SORCS2: variants seen among roughly 807,000 people sequenced by gnomAD.
SORCS2 encodes sortilin related VPS10 domain containing receptor 2, also known as VPS10 domain-containing receptor SorCS2.
A neutral mutation model predicts 141.6 loss-of-function variants in SORCS2; 100 were observed. The observed-to-expected ratio is 0.71, with a 90% CI of 0.60 to 0.83. The LOEUF (loss-of-function observed/expected upper bound fraction) is 0.83. Ranked by LOEUF, SORCS2 falls within the 40% of genes least tolerant of loss-of-function variation. The probability of loss-of-function intolerance (pLI) is 0.00; values close to 1 mark genes in which losing one functional copy is unlikely to be tolerated. For missense variants in SORCS2, 1,646 were observed against 1,560.2 expected, an observed-to-expected ratio of 1.05 and a Z score of -0.93; for synonymous variants, 789 against 676.9, an observed-to-expected ratio of 1.17 and a Z score of -2.57.
At chr4:7,594,767 C>T (rs1717146557) in intron 3 of SORCS2, among the ~76,000 whole-genome samples, 1 of 152,102 alleles carries the variant, frequency 6.6e-6, no homozygotes, top group Middle Eastern at 3.2e-3. Context: ...ACCACGCTTC[C>T]ACCGCTGTTC....
chr4:7,281,513 C>T lies in SORCS2; in HGVS notation c.480+88387C>T, dbSNP rs191764002. Among the ~76,000 whole-genome samples, 91 of 152,308 alleles carry T rather than the reference C, an allele frequency of 6.0e-4. No individual in the cohort carries two copies. In the East Asian group the frequency reaches 0.016, roughly 27 times the overall value. On this transcript the variant is annotated intron_variant, in intron 1 of 26. Transcript: ENST00000507866. ...CTGTCCTGTTGCTGGGCTGTGCGTGCGTCCAGTCATCCTGGTCTTATTCTG... is the reference window on the plus strand; with the variant it reads ...CTGTCCTGTTGCTGGGCTGTGCGTGTGTCCAGTCATCCTGGTCTTATTCTG...
chr4:7,226,443 C>T (rs1728996670), intron 1 of SORCS2, among the ~76,000 whole-genome samples: 1 of 152,146 alleles, frequency 6.6e-6, no homozygotes, highest in Admixed American at 6.5e-5. Context: ...ACGGTCAGTG[C>T]CGTTCCGTTT....
At chr4:7,427,069 G>A (rs1279495900) in intron 2 of SORCS2, among the ~76,000 whole-genome samples, 1 of 152,114 alleles carries the variant, frequency 6.6e-6, no homozygotes, top group Non-Finnish European at 1.5e-5. Flanking sequence ...GCCTGCCTTG[G>A]GCCACGGCCT....
intron 1 of SORCS2, among the ~76,000 whole-genome samples, chr4:7,354,189 T>C (rs562205757): frequency 1.3e-5 from 2 of 152,280 alleles, no homozygotes; most frequent in Admixed American, 6.5e-5. Flanking sequence ...GCTTAGCCTG[T>C]CCTGGTCCAG....
chr4:7,241,453 C>T (rs1300639632), intron 1 of SORCS2, among the ~76,000 whole-genome samples: 3 of 152,102 alleles, frequency 2.0e-5, no homozygotes, highest in Admixed American at 6.6e-5. Flanking sequence ...CTCACCTGGA[C>T]GTGGAATGAG....
intron 2 of SORCS2, among the ~76,000 whole-genome samples, chr4:7,529,903 T>C (rs1577703587): frequency 6.6e-6 from 1 of 152,026 alleles, no homozygotes; most frequent in African/African-American, 2.4e-5. Context: ...GCCAGACAGG[T>C]CCTGAGGCCC....
intron 1 of SORCS2, among the ~76,000 whole-genome samples, chr4:7,297,050 T>C (rs760613120): frequency 6.6e-6 from 1 of 152,022 alleles, no homozygotes; most frequent in Admixed American, 6.5e-5. Flanking sequence ...CTGTCTTCTG[T>C]CTCAAGACTC....
rs564498734 is a variant in SORCS2 at position 7,335,768 on chromosome 4, C to T, written c.481-60520C>T. The stretch of plus-strand genomic sequence containing the variant: ...AGGTTGAAAGACTTGCTCGGGCTCC[C>T]GGCTGGGGGGTGTGGCGTGGCGACT... On this transcript the variant is annotated intron_variant, in intron 1 of 26. Transcript: ENST00000507866. 5.9e-5 allele frequency among the ~76,000 whole-genome samples: 9 copies of T among 152,338 alleles called. No individual in the cohort carries two copies. The South Asian group carries it at 1.0e-3, about 18-fold the overall frequency.
chr4:7,357,090 G>C (rs960519508), intron 1 of SORCS2, among the ~76,000 whole-genome samples: 1 of 152,146 alleles, frequency 6.6e-6, no homozygotes, highest in Non-Finnish European at 1.5e-5. Flanking sequence ...GCTCACTACG[G>C]CCTGGGGTCC....
intron 1 of SORCS2, among the ~76,000 whole-genome samples, chr4:7,281,707 G>T (rs766028231): frequency 1.3e-5 from 2 of 152,212 alleles, no homozygotes; most frequent in Non-Finnish European, 2.9e-5. Context: ...CCTGGGGGCC[G>T]CAGGCTCCCC....
intron 1 of SORCS2, among the ~76,000 whole-genome samples, chr4:7,217,931 G>A (rs1341293781): frequency 1.3e-5 from 2 of 152,202 alleles, no homozygotes; most frequent in African/African-American, 4.8e-5. Flanking sequence ...GCTGGCCGGG[G>A]TCACAGTGCA....
chr4:7,371,625 G>A (rs1342450900), intron 1 of SORCS2, among the ~76,000 whole-genome samples: 5 of 152,166 alleles, frequency 3.3e-5, no homozygotes, highest in Non-Finnish European at 7.3e-5. Context: ...CCGGCATCGT[G>A]ATCTGGAATT....
chr4:7,723,551 T>C (rs1000664294), intron 18 of SORCS2, 146 bp from the exon 19 acceptor site: 1 of 872,066 alleles, frequency 1.1e-6, no homozygotes, highest in Non-Finnish European at 1.8e-6. Flanking sequence ...AGGCCCGGTC[T>C]CCTGTGGGTC....
chr4:7,198,420 T>C (rs1171574802), intron 1 of SORCS2, among the ~76,000 whole-genome samples: 2 of 151,792 alleles, frequency 1.3e-5, no homozygotes, highest in Admixed American at 1.3e-4. Flanking sequence ...AAGCTTGGGG[T>C]TTTGTATTTA....
chr4:7,344,912 G>A (rs1390415049), intron 1 of SORCS2, among the ~76,000 whole-genome samples: 1 of 152,180 alleles, frequency 6.6e-6, no homozygotes, highest in African/African-American at 2.4e-5. Context: ...GCTTTTGGCT[G>A]TGCTGTGCAG....
At chr4:7,538,537 G>T in intron 3 of SORCS2, among the ~76,000 whole-genome samples, 1 of 152,118 alleles carries the variant, frequency 6.6e-6, no homozygotes, top group South Asian at 2.1e-4. Context: ...AAATTTATGT[G>T]AATGGGCATC....
chr4:7,236,880 C>T (rs779969759), intron 1 of SORCS2, among the ~76,000 whole-genome samples: 1 of 152,244 alleles, frequency 6.6e-6, no homozygotes, highest in Admixed American at 6.5e-5. Flanking sequence ...CATGCCCAGT[C>T]ATTTTTATTG....
chr4:7,591,300 C>T (rs1288485404), intron 3 of SORCS2, among the ~76,000 whole-genome samples: 1 of 152,202 alleles, frequency 6.6e-6, no homozygotes, highest in Non-Finnish European at 1.5e-5. Flanking sequence ...CAGTTATGGT[C>T]CCGTTTTACA....
At chr4:7,313,050 C>T (rs554634925) in intron 1 of SORCS2, among the ~76,000 whole-genome samples, 2 of 152,314 alleles carry the variant, frequency 1.3e-5, no homozygotes, top group East Asian at 3.9e-4. Context: ...TCCTCTAGGA[C>T]CCCTGAGAGT....
Sources: gnomAD v4.1 joint callset for allele counts (sites outside exome capture counted in the v4.1 genomes callset) on GRCh38, gnomAD v4.1.1 for gene constraint, MANE v1.5 for transcripts, NCBI Gene and HGNC (gene_info 2026-07-23, HGNC 2026-07-21) for gene names.